Variants in MTCL2 observed in about 807,000 individuals in gnomAD.
MTCL2 encodes the protein microtubule cross-linking factor 2.
At chr20:36,805,966 T>C in the MTCL2 span, 1 of 1,597,088 alleles carries the variant, frequency 6.3e-7, no homozygotes, top group Non-Finnish European at 8.5e-7. Flanking sequence ...ACCTGTTTTT[T>C]AAAAACCATG....
the MTCL2 span, among the ~76,000 whole-genome samples, chr20:36,803,399 A>C: frequency 2.0e-5 from 3 of 152,168 alleles, no homozygotes. Flanking sequence ...TCATTCCAGC[A>C]AGATGGTTTT....
chr20:36,790,929 A>G, the MTCL2 span, among the ~76,000 whole-genome samples: 1 of 152,156 alleles, frequency 6.6e-6, no homozygotes, highest in Non-Finnish European at 1.5e-5. Context: ...GCTGAGTGAG[A>G]GTATAGAAAA....
the MTCL2 span, chr20:36,859,899 A>G: frequency 1.6e-6 from 2 of 1,231,220 alleles, no homozygotes; most frequent in Non-Finnish European, 2.0e-6. Flanking sequence ...GCTTACTCCA[A>G]GCCCTGGCAG....
the MTCL2 span, among the ~76,000 whole-genome samples, chr20:36,841,808 C>T: frequency 6.6e-6 from 1 of 151,994 alleles, no homozygotes; most frequent in South Asian, 2.1e-4. Flanking sequence ...AAGCCACCCT[C>T]CCACCTTAGC....
At chr20:36,804,010 G>A in the MTCL2 span, among the ~76,000 whole-genome samples, 1 of 150,476 alleles carries the variant, frequency 6.6e-6, no homozygotes, top group African/African-American at 2.5e-5. Context: ...CAGGGAGCCA[G>A]GGGTTAGAGG....
the MTCL2 span, among the ~76,000 whole-genome samples, chr20:36,796,357 C>T: frequency 6.6e-6 from 1 of 152,196 alleles, no homozygotes; most frequent in Non-Finnish European, 1.5e-5. Flanking sequence ...CAGCCTGTCC[C>T]GCCTGCCTTG....
the MTCL2 span, among the ~76,000 whole-genome samples, chr20:36,819,528 TAGG>T: frequency 6.7e-6 from 1 of 149,704 alleles, no homozygotes; most frequent in Non-Finnish European, 1.5e-5. Flanking sequence ...AAAGAGTTGG[TAGG>T]AGAAAATGTG....
the MTCL2 span, among the ~76,000 whole-genome samples, chr20:36,792,298 G>A: frequency 2.0e-5 from 3 of 151,990 alleles, no homozygotes; most frequent in Non-Finnish European, 2.9e-5. Context: ...ACTTGAGGTC[G>A]GGAGTTCGAG....
At chr20:36,856,737 A>C in the MTCL2 span, among the ~76,000 whole-genome samples, 1 of 152,250 alleles carries the variant, frequency 6.6e-6, no homozygotes, top group Non-Finnish European at 1.5e-5. Flanking sequence ...TTGTAGAAGT[A>C]AGTCTAGTGA....
At chr20:36,788,270 A>G in the MTCL2 span, among the ~76,000 whole-genome samples, 1 of 151,214 alleles carries the variant, frequency 6.6e-6, no homozygotes, top group Non-Finnish European at 1.5e-5. Context: ...GGATCCTTTG[A>G]GCCCAGGAGG....
chr20:36,788,277 G>C, the MTCL2 span, among the ~76,000 whole-genome samples: 92 of 151,878 alleles, frequency 6.1e-4, no homozygotes, highest in African/African-American at 2.1e-3. Flanking sequence ...TTGAGCCCAG[G>C]AGGTCAAGGC....
At chr20:36,812,284 A>C in the MTCL2 span, among the ~76,000 whole-genome samples, 8 of 152,148 alleles carry the variant, frequency 5.3e-5, no homozygotes, top group Non-Finnish European at 1.2e-4. Flanking sequence ...CCTTCATTTT[A>C]CATGTGAGAA....
At chr20:36,824,943 C>CTT in the MTCL2 span, among the ~76,000 whole-genome samples, 129 of 141,718 alleles carry the variant, frequency 9.1e-4, 1 homozygote, top group South Asian at 3.2e-3. Context: ...GAATTGTACA[C>CTT]TTTTTTTTTT....
At chr20:36,812,562 G>T in the MTCL2 span, 1 of 1,071,844 alleles carries the variant, frequency 9.3e-7, no homozygotes, top group South Asian at 2.1e-5. Flanking sequence ...TCTGGCCTTG[G>T]CTGCCAAGAA....
the MTCL2 span, among the ~76,000 whole-genome samples, chr20:36,848,630 G>C: frequency 6.6e-6 from 1 of 152,188 alleles, no homozygotes; most frequent in African/African-American, 2.4e-5. Flanking sequence ...GGGAAGGTGG[G>C]TGGTGCCCAA....
chr20:36,847,163 G>A, the MTCL2 span, among the ~76,000 whole-genome samples: 1 of 152,218 alleles, frequency 6.6e-6, no homozygotes, highest in Non-Finnish European at 1.5e-5. Flanking sequence ...GAGGAGACGA[G>A]GCTCAGAAGC....
the MTCL2 span, among the ~76,000 whole-genome samples, chr20:36,833,841 G>C: frequency 6.6e-6 from 1 of 151,132 alleles, no homozygotes. Context: ...GACAAAGAGA[G>C]ACTATGTTTC....
At chr20:36,816,231 T>C in the MTCL2 span, 1 of 1,612,772 alleles carries the variant, frequency 6.2e-7, no homozygotes, top group African/African-American at 1.3e-5. Flanking sequence ...CTTGGCAAGC[T>C]TAGTGAGCTT....
the MTCL2 span, among the ~76,000 whole-genome samples, chr20:36,814,644 T>C: frequency 6.6e-6 from 1 of 152,156 alleles, no homozygotes; most frequent in African/African-American, 2.4e-5. Flanking sequence ...CCCAGAACTT[T>C]GGGAGACAAA....
Sources: gnomAD v4.1 joint callset for allele counts (sites outside exome capture counted in the v4.1 genomes callset) on GRCh38, gnomAD v4.1.1 for gene constraint, MANE v1.5 for transcripts, NCBI Gene and HGNC (gene_info 2026-07-23, HGNC 2026-07-21) for gene names.